VWDE: variants seen among roughly 807,000 people sequenced by gnomAD.
VWDE encodes the protein von Willebrand factor D and EGF domains, also known as von Willebrand factor D and EGF domain-containing protein.
In VWDE, 207 loss-of-function variants were observed where a neutral mutation model predicts 178.4. The ratio of observed to expected loss-of-function variants is 1.16; its 90% CI spans 1.04 to 1.30. The LOEUF (loss-of-function observed/expected upper bound fraction) is 1.30, where lower values mean the gene tolerates loss of function less well. Ranked by LOEUF, VWDE falls within the 50% of genes most tolerant of loss-of-function variation. VWDE has a pLI of 0.00. For missense variants in VWDE, 2,287 were observed against 1,901.3 expected, an observed-to-expected ratio of 1.20 and a Z score of -3.77; for synonymous variants, 738 against 651.4, an observed-to-expected ratio of 1.13 and a Z score of -2.02.
At chr7:12,337,973 T>C (rs1388432741) in intron 24 of VWDE, among the ~76,000 whole-genome samples, 1 of 152,156 alleles carries the variant, frequency 6.6e-6, no homozygotes, top group Non-Finnish European at 1.5e-5. Flanking sequence ...TTTTAAGTAA[T>C]ACACAGGCAA....
At chr7:12,379,952 T>C (rs1245604666) in intron 5 of VWDE, among the ~76,000 whole-genome samples, 1 of 151,388 alleles carries the variant, frequency 6.6e-6, no homozygotes, top group African/African-American at 2.4e-5. Flanking sequence ...ATTAGCTGCG[T>C]GTGGGTGTGG....
At chr7:12,368,902 A>G (rs1783003909) in intron 12 of VWDE, among the ~76,000 whole-genome samples, 2 of 152,156 alleles carry the variant, frequency 1.3e-5, no homozygotes, top group African/African-American at 2.4e-5. Context: ...AATGACTACA[A>G]GTTTTTAATG....
Position 12,369,844 on chromosome 7 carries a change from C to T in VWDE, c.2462G>A (p.Arg821Lys), listed in dbSNP as rs1180544482. 6.4e-7 allele frequency: 1 copy of T among 1,551,520 alleles called. No homozygotes were observed. Among genetic ancestry groups the T allele is most frequent in the Non-Finnish European group, 8.7e-7 (1 of 1,146,882 alleles). Reference protein sequence around the residue: ...QETLANSSIGRLCLAFLGKRL... With the variant: ...QETLANSSIGKLCLAFLGKRL... The stretch of plus-strand genomic sequence containing the variant: ...CTTGCCAAGAAAAGCAAGACACAGC[C>T]TTCCTATGCTGGAGTTGGCTAGAGT... The change falls in exon 12 of 29, where the codon AGG becomes AAG. Residue 821 changes from arginine to lysine, a missense_variant. By Grantham distance (26) the Arg-to-Lys change is conservative. Coordinates refer to ENST00000275358, the MANE Select transcript of VWDE (RefSeq NM_001135924.3).
At position 12,393,790 on chromosome 7, in the gene VWDE, A is replaced by G. The variant is rs1289263024; in HGVS notation, c.59-12T>C. 6.6e-7 allele frequency: 1 copy of G among 1,525,848 alleles called. No individual in the cohort carries two copies. The highest frequency in any genetic ancestry group is 1.3e-5 in the South Asian group (1 of 79,664). The allele number at this position is 1,525,848 out of a possible 1,614,324, so 94.5% of individuals were successfully genotyped here. A position where few individuals can be genotyped will look rare whatever the true frequency, so the allele number is the denominator to read the frequency against. On this transcript the variant is annotated splice_polypyrimidine_tract_variant and intron_variant, in intron 1 of 28. Transcript: ENST00000275358. ...AGAGCACTCCTGAGCTAGTATGGAA[A>G]GACAGGTGTTTTTATGTAATGTGTT...
At chr7:12,332,093 G>A (rs1302356482) in intron 28 of VWDE, among the ~76,000 whole-genome samples, 1 of 151,960 alleles carries the variant, frequency 6.6e-6, no homozygotes, top group Non-Finnish European at 1.5e-5. Flanking sequence ...AAGGTTCTAT[G>A]GATACCCATG....
chr7:12,345,009 C>T (rs1781525791), intron 19 of VWDE, among the ~76,000 whole-genome samples: 1 of 151,860 alleles, frequency 6.6e-6, no homozygotes, highest in African/African-American at 2.4e-5. Context: ...GTGGGCACTC[C>T]AAAACTCTGT....
At chr7:12,357,621 G>A (rs551729294) in intron 16 of VWDE, 106 bp from the exon 17 acceptor site, 25 of 1,271,930 alleles carry the variant, frequency 2.0e-5, no homozygotes, top group Non-Finnish European at 2.5e-5. Flanking sequence ...ACTGAACTCT[G>A]CTAAAAGGTC....
At chr7:12,346,658 CTTCAT>C (rs1253113287) in intron 19 of VWDE, among the ~76,000 whole-genome samples, 2 of 152,072 alleles carry the variant, frequency 1.3e-5, no homozygotes, top group African/African-American at 4.8e-5. Context: ...TGCCAAAATA[CTTCAT>C]TTCCTTATTG....
intron 13 of VWDE, among the ~76,000 whole-genome samples, chr7:12,365,223 A>G (rs531982960): frequency 6.6e-6 from 1 of 152,116 alleles, no homozygotes; most frequent in Non-Finnish European, 1.5e-5. Context: ...TAGTTGGACA[A>G]CTGGTAAATT....
chr7:12,375,921 G>T (rs1783503100), intron 7 of VWDE, among the ~76,000 whole-genome samples: 1 of 151,994 alleles, frequency 6.6e-6, no homozygotes, highest in African/African-American at 2.4e-5. Context: ...AAAAAGAACA[G>T]ATTTGCCCCC....
chr7:12,361,362 T>C lies in VWDE; in HGVS notation c.3054+4A>G, dbSNP rs1375441655. 2 of 1,545,690 alleles carry C rather than the reference T, an allele frequency of 1.3e-6. No individual in the cohort carries two copies. The highest frequency in any genetic ancestry group is 2.8e-5 in the African/African-American group (2 of 72,572). On this transcript the variant is annotated splice_donor_region_variant and intron_variant, in intron 14 of 28. Transcript: ENST00000275358. ...AAATATGAAGATGTCTTTTTATTTTTTACCTTCAACTGCCACTTCCCAGTT... is the reference window on the plus strand; with the variant it reads ...AAATATGAAGATGTCTTTTTATTTTCTACCTTCAACTGCCACTTCCCAGTT...
chr7:12,339,063 C>T (rs1240744520), intron 24 of VWDE, among the ~76,000 whole-genome samples: 5 of 151,958 alleles, frequency 3.3e-5, no homozygotes, highest in Non-Finnish European at 7.4e-5. Flanking sequence ...ACTTGAAAGC[C>T]AGAAAGTCTG....
rs1781943838 is a variant in VWDE, at chr7:12,351,583, T to C, written c.3876A>G (p.Gly1292=). The C allele has an allele frequency of 6.5e-7, 1 of 1,548,196 alleles. No homozygotes were observed. Among genetic ancestry groups the C allele is most frequent in the Admixed American group, 2.0e-5 (1 of 50,494 alleles). ...GRKRHVKPTS[G]NAFTICKYPC... ...ATGACCATTACTTACTGAAGGCATT[T>C]CCACTTGTTGGCTTAACATGCCTCT... Residue 1292 remains glycine, a synonymous_variant, in exon 19 of 29, where the codon GGA becomes GGG. Transcript: ENST00000275358.
rs1025894550 is a variant in VWDE, at chr7:12,389,156, G to A, written c.446C>T (p.Thr149Ile). Residue 149 changes from threonine to isoleucine, a missense_variant, in exon 3 of 29, where the codon ACT becomes ATT. Coordinates refer to ENST00000275358, the MANE Select transcript of VWDE (RefSeq NM_001135924.3). Reference sequence around the variant, plus strand: ...CGCACAGTAGCCCATACATCCCTGAGTTGGTTGTAGTAAGTATACAGAAAA... The same window carrying A: ...CGCACAGTAGCCCATACATCCCTGAATTGGTTGTAGTAAGTATACAGAAAA... ...GNFSVYLLQP[T>I]QGCMGYCAEA... is the part of the protein sequence containing the mutation. 11 of 1,550,880 alleles carry A rather than the reference G, an allele frequency of 7.1e-6. No homozygotes were observed. The highest frequency in any genetic ancestry group is 3.9e-5 in the Admixed American group (2 of 50,984).
chr7:12,386,143 A>T (rs1784088616), intron 3 of VWDE, among the ~76,000 whole-genome samples: 1 of 152,204 alleles, frequency 6.6e-6, no homozygotes, highest in African/African-American at 2.4e-5. Context: ...TGAAACACAG[A>T]ATTTTCCACA....
Position 12,375,013 on chromosome 7 carries a change from G to C in VWDE, c.1239C>G (p.Ile413Met). The C allele has an allele frequency of 6.4e-7, 1 of 1,550,674 alleles. No individual in the cohort carries two copies. The highest frequency in any genetic ancestry group is 8.7e-7 in the Non-Finnish European group (1 of 1,146,274). ...FLWNNYIPDS[I>M]QIKVKDVPTA... ...ATTAGTGTTGTAATTTGTCAACCTG[G>C]ATGCTGTCTGGAATGTAGTTGTTCC... The change falls in exon 8 of 29, where the codon ATC becomes ATG. Residue 413 changes from isoleucine (I) to methionine (M), a missense_variant. Ile to Met is a conservative substitution (Grantham distance 10). Coordinates refer to ENST00000275358, the MANE Select transcript of VWDE (RefSeq NM_001135924.3).
chr7:12,400,405 T>A (rs951603524), intron 1 of VWDE, among the ~76,000 whole-genome samples: 3 of 152,124 alleles, frequency 2.0e-5, no homozygotes, highest in Non-Finnish European at 2.9e-5. Context: ...GAAAACCTTA[T>A]TAAGGAATAC....
intron 27 of VWDE, 92 bp from the exon 28 acceptor site, chr7:12,333,660 G>A: frequency 1.3e-6 from 1 of 773,890 alleles, no homozygotes; most frequent in Non-Finnish European, 2.2e-6. Flanking sequence ...TCTGGTGATT[G>A]GACACCAATG....
At position 12,341,944 on chromosome 7, in the gene VWDE, A is replaced by G. The variant is rs1020005244; in HGVS notation, c.4270+115T>C. The G allele has an allele frequency of 3.2e-5, 22 of 695,652 alleles. No individual in the cohort carries two copies. In the Admixed American group the frequency reaches 5.4e-4, roughly 17 times the overall value. The allele number at this position is 695,652 out of a possible 1,614,324, so 43.1% of individuals were successfully genotyped here. The stretch of plus-strand genomic sequence containing the variant: ...AATCTGTCTGAAATAACAACTTCAT[A>G]CCTATCTACCTGTCTTGTCAGGTCA... On this transcript the variant is annotated intron_variant, in intron 23 of 28. Coordinates refer to ENST00000275358, the MANE Select transcript of VWDE (RefSeq NM_001135924.3).
Sources: allele counts gnomAD v4.1 joint callset (sites outside exome capture counted in the v4.1 genomes callset), GRCh38; gene constraint gnomAD v4.1.1; transcripts MANE v1.5; gene names NCBI Gene and HGNC (gene_info 2026-07-23, HGNC 2026-07-21).